Variants in IMMP2L observed in about 807,000 individuals in gnomAD.
The protein encoded by IMMP2L is mitochondrial inner membrane protease subunit 2.
In IMMP2L, 18 loss-of-function variants were observed where a neutral mutation model predicts 19.3. The ratio of observed to expected loss-of-function variants is 0.93; its 90% CI spans 0.64 to 1.38. IMMP2L has a LOEUF of 1.38. Ranked by LOEUF, IMMP2L falls within the 40% of genes most tolerant of loss-of-function variation. IMMP2L has a pLI of 0.00. For synonymous variants in IMMP2L, 76 were observed against 73.0 expected (o/e 1.04, Z -0.21); for missense variants, 233 against 218.2 (o/e 1.07, Z -0.43).
At chr7:110,812,839 T>C (rs546845499) in intron 5 of IMMP2L, among the ~76,000 whole-genome samples, 2 of 152,144 alleles carry the variant, frequency 1.3e-5, no homozygotes, top group South Asian at 4.1e-4. Flanking sequence ...ATTCCATGTA[T>C]AGATGATACT....
At chr7:111,464,776 C>A (rs1273683561) in intron 3 of IMMP2L, among the ~76,000 whole-genome samples, 2 of 151,972 alleles carry the variant, frequency 1.3e-5, no homozygotes, top group East Asian at 3.9e-4. Context: ...AAAACACAGC[C>A]AACTCTTTTT....
chr7:111,177,654 C>T (rs1807226482), intron 3 of IMMP2L, among the ~76,000 whole-genome samples: 1 of 151,976 alleles, frequency 6.6e-6, no homozygotes. Context: ...TCTTTTAGTC[C>T]ATGAAGCAAC....
intron 3 of IMMP2L, among the ~76,000 whole-genome samples, chr7:111,442,201 CAGTTAAGCGTTCACTGCAA>C (rs1261678815): frequency 2.0e-5 from 3 of 151,740 alleles, no homozygotes; most frequent in Non-Finnish European, 4.4e-5. Context: ...CAAAGCCATA[CAGTTAAGCGTTCACTGCAA>C]AGTAGGGATT....
intron 3 of IMMP2L, among the ~76,000 whole-genome samples, chr7:111,336,894 AGTG>A (rs1826480941): frequency 6.6e-6 from 1 of 151,718 alleles, no homozygotes; most frequent in African/African-American, 2.4e-5. Context: ...AATAAGGTAA[AGTG>A]GCTTAACAGA....
chr7:111,532,772 G>A (rs1481119383), intron 1 of IMMP2L, among the ~76,000 whole-genome samples: 1 of 152,166 alleles, frequency 6.6e-6, no homozygotes, highest in East Asian at 1.9e-4. Context: ...CAATTAGTCT[G>A]TCAAAAATAA....
At chr7:111,490,055 C>CA in intron 2 of IMMP2L, among the ~76,000 whole-genome samples, 1 of 150,878 alleles carries the variant, frequency 6.6e-6, no homozygotes, top group East Asian at 2.0e-4. Context: ...CTCAGCCTCC[C>CA]AAAGTGCTGT....
At chr7:111,489,658 G>A (rs957957519) in intron 2 of IMMP2L, among the ~76,000 whole-genome samples, 1 of 152,134 alleles carries the variant, frequency 6.6e-6, no homozygotes, top group African/African-American at 2.4e-5. Flanking sequence ...ATTCTGCATG[G>A]AGGCTATTAT....
At chr7:110,692,408 G>A (rs1196026328) in intron 5 of IMMP2L, among the ~76,000 whole-genome samples, 1 of 97,776 alleles carries the variant, frequency 1.0e-5, no homozygotes, top group Non-Finnish European at 2.0e-5. Flanking sequence ...TATACTACGC[G>A]GGTGACAGTA....
chr7:110,749,125 A>T (rs1047428937), intron 5 of IMMP2L, among the ~76,000 whole-genome samples: 3 of 152,140 alleles, frequency 2.0e-5, no homozygotes, highest in Non-Finnish European at 4.4e-5. Flanking sequence ...CATTTATGCA[A>T]CCAACAAACA....
intron 2 of IMMP2L, among the ~76,000 whole-genome samples, chr7:111,506,445 T>C (rs935867451): frequency 6.6e-6 from 1 of 152,146 alleles, no homozygotes; most frequent in African/African-American, 2.4e-5. Flanking sequence ...TCCCCCAGGC[T>C]GCAGTGCAGT....
At chr7:111,220,280 T>C (rs1329106257) in intron 3 of IMMP2L, among the ~76,000 whole-genome samples, 1 of 152,018 alleles carries the variant, frequency 6.6e-6, no homozygotes, top group African/African-American at 2.4e-5. Flanking sequence ...AAATATTTTA[T>C]AGGTATTATA....
intron 3 of IMMP2L, among the ~76,000 whole-genome samples, chr7:111,089,006 G>A (rs1167688389): frequency 6.6e-6 from 1 of 151,982 alleles, no homozygotes; most frequent in African/African-American, 2.4e-5. Flanking sequence ...ATAAAAATGA[G>A]TATAAAATAT....
chr7:111,453,479 G>A (rs931816293), intron 3 of IMMP2L, among the ~76,000 whole-genome samples: 2 of 152,116 alleles, frequency 1.3e-5, no homozygotes, highest in African/African-American at 4.8e-5. Flanking sequence ...ACAAATTTAA[G>A]TGTCATTTTT....
intron 2 of IMMP2L, among the ~76,000 whole-genome samples, chr7:111,519,940 G>C (rs1279779860): frequency 6.6e-6 from 1 of 151,950 alleles, no homozygotes; most frequent in African/African-American, 2.4e-5. Context: ...GGATTCAAAG[G>C]GATCCTTGGG....
At chr7:110,872,791 T>C (rs563512145) in intron 5 of IMMP2L, among the ~76,000 whole-genome samples, 55 of 152,302 alleles carry the variant, frequency 3.6e-4, no homozygotes, top group Admixed American at 1.2e-3. Flanking sequence ...GATTGAGAAC[T>C]AGAGGTCAGA....
intron 1 of IMMP2L, among the ~76,000 whole-genome samples, chr7:111,540,598 T>C (rs1237931844): frequency 6.6e-6 from 1 of 152,174 alleles, no homozygotes; most frequent in Non-Finnish European, 1.5e-5. Context: ...TGGCATTCAC[T>C]AGCCACACCT....
intron 3 of IMMP2L, among the ~76,000 whole-genome samples, chr7:111,459,202 GTTATC>G (rs528494737): frequency 8.8e-4 from 134 of 152,068 alleles, no homozygotes; most frequent in South Asian, 8.5e-3. Context: ...AAAGAAAACT[GTTATC>G]TTATCATTAT....
intron 3 of IMMP2L, among the ~76,000 whole-genome samples, chr7:111,349,625 T>C (rs531659628): frequency 1.3e-5 from 2 of 152,112 alleles, no homozygotes; most frequent in African/African-American, 4.8e-5. Context: ...AGAATGCCTG[T>C]AGAGGAAGAA....
intron 4 of IMMP2L, among the ~76,000 whole-genome samples, chr7:110,905,454 T>A (rs1812349351): frequency 6.9e-6 from 1 of 144,994 alleles, no homozygotes; most frequent in African/African-American, 2.7e-5. Context: ...TTTTGTTACA[T>A]TTTTTTTTTC....
Sources: allele counts gnomAD v4.1 joint callset (sites outside exome capture counted in the v4.1 genomes callset), GRCh38; gene constraint gnomAD v4.1.1; transcripts MANE v1.5; gene names NCBI Gene and HGNC (gene_info 2026-07-23, HGNC 2026-07-21).